TRDN: variants seen among roughly 807,000 people sequenced by gnomAD.
TRDN encodes the protein triadin.
A neutral mutation model predicts 149.7 loss-of-function variants in TRDN; 161 were observed. The observed-to-expected ratio is 1.08, with a 90% CI of 0.95 to 1.23. TRDN has a LOEUF of 1.23. Among genes scored for constraint, TRDN ranks in the 50% most tolerant of loss-of-function variants. The pLI is 0.00. For missense variants in TRDN, 896 were observed against 823.5 expected, an observed-to-expected ratio of 1.09 and a Z score of -1.08; for synonymous variants, 294 against 250.5, an observed-to-expected ratio of 1.17 and a Z score of -1.64.
intron 23 of TRDN, among the ~76,000 whole-genome samples, chr6:123,331,168 G>A (rs1034088399): frequency 1.3e-5 from 2 of 152,030 alleles, no homozygotes; most frequent in African/African-American, 4.8e-5. Flanking sequence ...ACTTGGATTA[G>A]TTAGAAATTT....
At position 123,276,729 on chromosome 6, in the gene TRDN, C is replaced by T. The variant is rs141598357; in HGVS notation, c.1567+1589G>A. Among the ~76,000 whole-genome samples the T allele has an allele frequency of 3.5e-3, 531 of 152,216 alleles. 1 individual carries two copies. The highest frequency in any genetic ancestry group is 4.5e-3 in the Non-Finnish European group (307 of 68,010). On this transcript the variant is annotated intron_variant, in intron 26 of 40. Coordinates refer to ENST00000334268, the MANE Select transcript of TRDN (RefSeq NM_006073.4). Reference sequence around the variant, plus strand: ...GGACCCTCTTATCTAATGGCTTAGACGCCCCATGAATTGAATGTGACACTA... The same window carrying T: ...GGACCCTCTTATCTAATGGCTTAGATGCCCCATGAATTGAATGTGACACTA...
chr6:123,621,991 G>A (rs1785406300), intron 1 of TRDN, among the ~76,000 whole-genome samples: 3 of 152,084 alleles, frequency 2.0e-5, no homozygotes, highest in African/African-American at 7.2e-5. Flanking sequence ...TGAACAACAT[G>A]GGTTTTAACT....
At chr6:123,622,703 T>C (rs1329527295) in intron 1 of TRDN, among the ~76,000 whole-genome samples, 1 of 152,142 alleles carries the variant, frequency 6.6e-6, no homozygotes, top group Non-Finnish European at 1.5e-5. Context: ...CCTAATTCTT[T>C]TTACACTTGT....
chr6:123,249,818 C>A (rs1776312308), intron 38 of TRDN, among the ~76,000 whole-genome samples: 1 of 151,862 alleles, frequency 6.6e-6, no homozygotes, highest in Non-Finnish European at 1.5e-5. Flanking sequence ...ACAATCAAAA[C>A]AAGAGAAAGA....
chr6:123,445,200 C>T (rs2114625555), intron 10 of TRDN: 1 of 152,014 alleles, frequency 6.6e-6, no homozygotes, highest in Admixed American at 6.5e-5. Context: ...ATTTCAGATC[C>T]TGTTATTGGT....
intron 23 of TRDN, among the ~76,000 whole-genome samples, chr6:123,319,221 T>C (rs1779148960): frequency 6.6e-6 from 1 of 151,872 alleles, no homozygotes. Context: ...AGTAATTTTC[T>C]CTTTTTTTTT....
intron 38 of TRDN, among the ~76,000 whole-genome samples, chr6:123,232,679 T>A (rs1394096527): frequency 6.6e-6 from 1 of 152,024 alleles, no homozygotes; most frequent in Non-Finnish European, 1.5e-5. Context: ...GAAGCAATGC[T>A]TCTTGATATG....
At chr6:123,377,424 A>C (rs946535156) in intron 18 of TRDN, among the ~76,000 whole-genome samples, 2 of 152,202 alleles carry the variant, frequency 1.3e-5, no homozygotes, top group Non-Finnish European at 2.9e-5. Context: ...GCAGACTCTG[A>C]TTCAGTAGGT....
intron 24 of TRDN, among the ~76,000 whole-genome samples, chr6:123,302,261 G>C (rs1365037913): frequency 2.6e-5 from 4 of 152,004 alleles, no homozygotes; most frequent in Non-Finnish European, 5.9e-5. Flanking sequence ...TTTTCTTTGA[G>C]TAAGTCATTC....
At chr6:123,491,033 G>C (rs921018252) in intron 9 of TRDN, among the ~76,000 whole-genome samples, 10 of 151,842 alleles carry the variant, frequency 6.6e-5, no homozygotes, top group Non-Finnish European at 2.9e-5. Context: ...TTGAACCCGG[G>C]AGGCAGAGGT....
intron 22 of TRDN, 65 bp downstream of exon 22, chr6:123,337,554 C>A: frequency 1.3e-6 from 1 of 769,746 alleles, no homozygotes; most frequent in Non-Finnish European, 1.9e-6. Context: ...AGCTAATGTA[C>A]TGTGTTCTCA....
intron 5 of TRDN, among the ~76,000 whole-genome samples, chr6:123,528,053 T>G (rs1780037756): frequency 6.6e-6 from 1 of 151,838 alleles, no homozygotes; most frequent in African/African-American, 2.4e-5. Flanking sequence ...GAGGAAAATA[T>G]CGAACAAAAT....
chr6:123,264,888 A>G (rs1028574792), intron 33 of TRDN, among the ~76,000 whole-genome samples: 2 of 152,060 alleles, frequency 1.3e-5, no homozygotes, highest in African/African-American at 4.8e-5. Context: ...CATTTTTTAG[A>G]CATAATCCTC....
Position 123,255,138 on chromosome 6 carries a change from A to G in TRDN, c.1907-13T>C, listed in dbSNP as rs1237332017. On this transcript the variant is annotated splice_polypyrimidine_tract_variant and intron_variant, in intron 36 of 40. Transcript: ENST00000334268. The stretch of plus-strand genomic sequence containing the variant: ...TTTCTTGTTGAGACTGTTAATAAGG[A>G]AAATGTAAATTAAAATATAAATTTT... The G allele has an allele frequency of 8.4e-7, 1 of 1,185,530 alleles. No individual in the cohort carries two copies. 73.4% of individuals were successfully genotyped at this position (1,185,530 alleles called of 1,614,324 possible).
At chr6:123,560,797 T>C (rs1190781188) in intron 2 of TRDN, among the ~76,000 whole-genome samples, 2 of 152,154 alleles carry the variant, frequency 1.3e-5, no homozygotes, top group Non-Finnish European at 2.9e-5. Flanking sequence ...CACAGGCCCA[T>C]TCTATTCTGT....
intron 5 of TRDN, among the ~76,000 whole-genome samples, chr6:123,521,084 T>A (rs1262182401): frequency 1.3e-5 from 2 of 152,198 alleles, no homozygotes; most frequent in South Asian, 2.1e-4. Flanking sequence ...TGTCAGCCTA[T>A]GACTCCAATC....
rs544278810 is a variant in TRDN at position 123,588,612 on chromosome 6, G to T, written c.23-17480C>A. Among the ~76,000 whole-genome samples the T allele has an allele frequency of 2.0e-5, 3 of 152,150 alleles. No homozygotes were observed. The South Asian group carries it at 6.2e-4, about 32-fold the overall frequency. On this transcript the variant is annotated intron_variant, in intron 1 of 40. Coordinates refer to ENST00000334268, the MANE Select transcript of TRDN (RefSeq NM_006073.4). ...TTTATGATCTCAGTCTGCTTGGGCT[G>T]CCATAACAAAATACTATCCCTAGTG...
intron 24 of TRDN, among the ~76,000 whole-genome samples, chr6:123,294,361 C>T (rs759828361): frequency 5.3e-5 from 8 of 152,106 alleles, no homozygotes; most frequent in Non-Finnish European, 1.2e-4. Context: ...CTAATATTGG[C>T]CCTTGCTTAT....
At chr6:123,380,217 A>T (rs1201267060) in intron 16 of TRDN, among the ~76,000 whole-genome samples, 2 of 152,204 alleles carry the variant, frequency 1.3e-5, no homozygotes, top group Admixed American at 1.3e-4. Flanking sequence ...GTGAAAAGGC[A>T]TGTTTATTTA....
Sources: allele counts gnomAD v4.1 joint callset (sites outside exome capture counted in the v4.1 genomes callset), GRCh38; gene constraint gnomAD v4.1.1; transcripts MANE v1.5; gene names NCBI Gene and HGNC (gene_info 2026-07-23, HGNC 2026-07-21).